The following IRAK1BP1 variants were observed in gnomAD, a reference collection of about 807,000 sequenced individuals.
The protein encoded by IRAK1BP1 is interleukin 1 receptor associated kinase 1 binding protein 1.
A neutral mutation model predicts 28.0 loss-of-function variants in IRAK1BP1; 24 were observed. The observed-to-expected ratio is 0.86, with a 90% CI of 0.62 to 1.20. The LOEUF is 1.20. Among genes scored for constraint, IRAK1BP1 ranks in the 50% most tolerant of loss-of-function variants. The probability of loss-of-function intolerance (pLI) is 0.00; values close to 1 mark genes in which losing one functional copy is unlikely to be tolerated. For synonymous variants in IRAK1BP1, 131 were observed against 116.3 expected (o/e 1.13, Z -0.81); for missense variants, 336 against 316.7 (o/e 1.06, Z -0.46).
chr6:78,894,373 G>A (rs1346869018), intron 2 of IRAK1BP1, among the ~76,000 whole-genome samples: 2 of 152,146 alleles, frequency 1.3e-5, no homozygotes, highest in African/African-American at 4.8e-5. Flanking sequence ...TTGGTTAAAA[G>A]TAATGGGATG....
chr6:78,918,306 T>A (rs759985235), intron 4 of IRAK1BP1, among the ~76,000 whole-genome samples: 8 of 151,756 alleles, frequency 5.3e-5, no homozygotes, highest in African/African-American at 1.7e-4. Flanking sequence ...CAAAAAAAAA[T>A]TATTTTTAAA....
intron 4 of IRAK1BP1, among the ~76,000 whole-genome samples, chr6:78,945,124 A>G (rs1773729923): frequency 6.7e-6 from 1 of 148,880 alleles, no homozygotes; most frequent in South Asian, 2.1e-4. Flanking sequence ...CATTCTGTTT[A>G]CCAGGATGGA....
At chr6:78,896,256 A>G (rs1771876439) in intron 2 of IRAK1BP1, among the ~76,000 whole-genome samples, 1 of 152,076 alleles carries the variant, frequency 6.6e-6, no homozygotes, top group Non-Finnish European at 1.5e-5. Context: ...ATTTGGAAAT[A>G]CAAAGGATCT....
chr6:78,898,304 G>A lies in IRAK1BP1; in HGVS notation c.753G>A (p.Lys251=), dbSNP rs752368585. The change falls in exon 4 of 4, where the codon AAG becomes AAA. Residue 251 remains lysine (K), a synonymous_variant. Coordinates refer to ENST00000369940, the MANE Select transcript of IRAK1BP1 (RefSeq NM_001010844.4). ...ASKVFITFEV[K]GKEKRKKHL ...AAGTATTTATAACTTTTGAGGTAAAGGGAAAAGAGAAGAGAAAAAAGCACC... is the reference window on the plus strand; with the variant it reads ...AAGTATTTATAACTTTTGAGGTAAAAGGAAAAGAGAAGAGAAAAAAGCACC... The A allele has an allele frequency of 1.3e-6, 2 of 1,588,610 alleles. No homozygotes were observed. The highest frequency in any genetic ancestry group is 2.3e-5 in the South Asian group (2 of 85,826).
At chr6:78,868,259 T>C (rs1449464262) in intron 1 of IRAK1BP1, among the ~76,000 whole-genome samples, 1 of 152,180 alleles carries the variant, frequency 6.6e-6, no homozygotes, top group Non-Finnish European at 1.5e-5. Flanking sequence ...ACACTAAATA[T>C]TTTGTTTTGT....
the IRAK1BP1 span, chr6:78,955,476 C>A: frequency 1.8e-6 from 1 of 547,656 alleles, no homozygotes; most frequent in South Asian, 3.2e-5. Context: ...ATTCTACTGC[C>A]AGTTGTTTTT....
At chr6:78,913,247 A>T (rs1330647466) in intron 4 of IRAK1BP1, among the ~76,000 whole-genome samples, 1 of 151,996 alleles carries the variant, frequency 6.6e-6, no homozygotes. Context: ...AGGCAGGAGA[A>T]TCCCTTGAAC....
chr6:78,955,193 T>G, the IRAK1BP1 span: 4 of 1,384,998 alleles, frequency 2.9e-6, no homozygotes, highest in Non-Finnish European at 4.0e-6. Flanking sequence ...ACATTTTAAT[T>G]CATATAAAGT....
chr6:78,879,730 T>C (rs1386450888), intron 1 of IRAK1BP1, among the ~76,000 whole-genome samples: 2 of 151,762 alleles, frequency 1.3e-5, no homozygotes, highest in Non-Finnish European at 2.9e-5. Flanking sequence ...AAGACAAGAG[T>C]GACATCAGAG....
chr6:78,896,785 A>G (rs1056368295), intron 2 of IRAK1BP1, among the ~76,000 whole-genome samples: 2 of 150,910 alleles, frequency 1.3e-5, no homozygotes, highest in Admixed American at 6.6e-5. Flanking sequence ...TGATCACACC[A>G]CTGCACTCCA....
At chr6:78,930,960 A>C (rs1257398371) in intron 4 of IRAK1BP1, among the ~76,000 whole-genome samples, 2 of 29,484 alleles carry the variant, frequency 6.8e-5, no homozygotes. Context: ...AAATAAAAAT[A>C]AAATAAAAAA....
chr6:78,902,494 A>C lies in IRAK1BP1; in HGVS notation c.*4160A>C, dbSNP rs139306866. ...TTTATTTAAAATGCCCGGGTAGGCC[A>C]GGCACGTTGGCTCACGCCTGTAATC... On this transcript the variant is annotated 3_prime_UTR_variant, in exon 4 of 4. Coordinates refer to ENST00000369940, the MANE Select transcript of IRAK1BP1 (RefSeq NM_001010844.4). 1.4e-3 allele frequency: 212 copies of C among 153,858 alleles called. No homozygotes were observed. Among genetic ancestry groups the C allele is most frequent in the African/African-American group, 5.0e-3 (209 of 41,592 alleles). The allele number at this position is 153,858 out of a possible 1,614,324, so 9.5% of individuals were successfully genotyped here.
At chr6:78,966,165 G>C in the IRAK1BP1 span, 10 of 671,374 alleles carry the variant, frequency 1.5e-5, no homozygotes, top group African/African-American at 1.1e-4. Flanking sequence ...GATTTCAGAA[G>C]ACAAAAAGTG....
intron 4 of IRAK1BP1, among the ~76,000 whole-genome samples, chr6:78,934,521 TCTG>T (rs1773191128): frequency 6.6e-6 from 1 of 152,232 alleles, no homozygotes; most frequent in African/African-American, 2.4e-5. Context: ...TAAAAGTCCT[TCTG>T]CTAAGGGTTC....
At chr6:78,907,908 C>T (rs559653070), downstream of IRAK1BP1, among the ~76,000 whole-genome samples, 8 of 151,314 alleles carry the variant, frequency 5.3e-5, 1 homozygote, top group South Asian at 2.1e-4. Context: ...TTAGTAGAGA[C>T]GGGGTTTCAC....
intron 1 of IRAK1BP1, among the ~76,000 whole-genome samples, chr6:78,883,275 C>T (rs1035155834): frequency 6.6e-6 from 1 of 151,956 alleles, no homozygotes; most frequent in African/African-American, 2.4e-5. Flanking sequence ...TAGTTAAGAA[C>T]AAAATGTAGA....
chr6:78,946,364 G>A, exon 5 of IRAK1BP1: 2 of 1,400,624 alleles, frequency 1.4e-6, no homozygotes, highest in Admixed American at 2.4e-5. Flanking sequence ...TATGAAATAT[G>A]TTAAAATATG....
intron 1 of IRAK1BP1, among the ~76,000 whole-genome samples, chr6:78,882,564 T>G (rs547532497): frequency 5.3e-5 from 8 of 152,268 alleles, no homozygotes; most frequent in Non-Finnish European, 1.2e-4. Flanking sequence ...TTCCTAAAAT[T>G]TATAACTCTA....
intron 4 of IRAK1BP1, among the ~76,000 whole-genome samples, chr6:78,943,592 A>C (rs1773625460): frequency 6.6e-6 from 1 of 152,206 alleles, no homozygotes; most frequent in African/African-American, 2.4e-5. Context: ...AAACACATTA[A>C]GCTCAGATTC....
Sources: allele counts gnomAD v4.1 joint callset (sites outside exome capture counted in the v4.1 genomes callset), GRCh38; gene constraint gnomAD v4.1.1; transcripts MANE v1.5; gene names NCBI Gene and HGNC (gene_info 2026-07-23, HGNC 2026-07-21).